The following KRT2 variants were observed in gnomAD, a reference collection of about 807,000 sequenced individuals.
KRT2 encodes keratin 2.
A neutral mutation model predicts 48.5 loss-of-function variants in KRT2; 37 were observed. The ratio of observed to expected loss-of-function variants is 0.76; its 90% CI spans 0.59 to 1.00. The LOEUF (loss-of-function observed/expected upper bound fraction) is 1.00, where lower values mean the gene tolerates loss of function less well. Ranked by LOEUF, KRT2 falls within the 50% of genes least tolerant of loss-of-function variation. KRT2 has a pLI of 0.00. For synonymous variants in KRT2, 324 were observed against 312.2 expected (o/e 1.04, Z -0.40); for missense variants, 880 against 815.2 (o/e 1.08, Z -0.97).
intron 1 of KRT2, chr12:52,650,796 A>G (rs1368751318): frequency 3.6e-6 from 2 of 556,482 alleles, no homozygotes; most frequent in East Asian, 3.2e-5. Context: ...TTCACTGCTC[A>G]CTGGTTTGTT....
intron 6 of KRT2, 143 bp downstream of exon 6, chr12:52,647,587 G>A (rs947664131): frequency 8.7e-6 from 8 of 923,434 alleles, no homozygotes; most frequent in Non-Finnish European, 1.2e-5. Flanking sequence ...ATTATGTTAA[G>A]CTGGGGAATT....
chr12:52,645,136 G>GCCACCTCCAGAGCTGTGTTTT lies in KRT2; in HGVS notation c.1782_1802dup (p.Lys595_Gly601dup). 1.9e-6 allele frequency: 3 copies of GCCACCTCCAGAGCTGTGTTTT among 1,613,428 alleles called. No homozygotes were observed. The highest frequency in any genetic ancestry group is 2.2e-5 in the South Asian group (2 of 90,874). On this transcript the variant is annotated inframe_insertion, in exon 9 of 9. Transcript: ENST00000309680. ...CTCCAGAGCTGGAGCCTCCTCTAGA[G>GCCACCTCCAGAGCTGTGTTTT]CCACCTCCAGAGCTGTGTTTTCCAC... is the stretch of plus-strand genomic sequence containing the variant.
Position 52,650,547 on chromosome 12 carries a change from A to G in KRT2, c.592T>C (p.Phe198Leu). 1 of 1,609,324 alleles carries G rather than the reference A, an allele frequency of 6.2e-7. No homozygotes were observed. The change falls in exon 2 of 9, where the codon TTC becomes CTC. Residue 198 changes from phenylalanine (F) to leucine (L), a missense_variant. Physicochemically the swap from Phe to Leu is conservative, Grantham distance 22. Coordinates refer to ENST00000309680, the MANE Select transcript of KRT2 (RefSeq NM_000423.3). Reference protein sequence around the residue: ...KFASFIDKVRFLEQQNQVLQT... With the variant: ...KFASFIDKVRLLEQQNQVLQT... ...AACACCTGGTTCTGCTGCTCCAAGAACCGCACCTGCCATGACCAGAAGGAG... is the reference window on the plus strand; with the variant it reads ...AACACCTGGTTCTGCTGCTCCAAGAGCCGCACCTGCCATGACCAGAAGGAG...
At chr12:52,650,123 T>A in intron 2 of KRT2, 149 bp from the exon 3 acceptor site, 1 of 776,078 alleles carries the variant, frequency 1.3e-6, no homozygotes, top group South Asian at 1.5e-5. Context: ...ATTTCCAAAC[T>A]AAAGATATAT....
chr12:52,651,930 G>C lies in KRT2; in HGVS notation c.213C>G (p.Ser71Arg), dbSNP rs766952518. 1.2e-6 allele frequency: 2 copies of C among 1,613,778 alleles called. No individual in the cohort carries two copies. Among genetic ancestry groups the C allele is most frequent in the South Asian group, 2.2e-5 (2 of 91,040 alleles). Residue 71 changes from serine to arginine, a missense_variant, in exon 1 of 9, where the codon AGC becomes AGG. Ser to Arg is a moderately radical substitution (Grantham distance 110). Coordinates refer to ENST00000309680, the MANE Select transcript of KRT2 (RefSeq NM_000423.3). ...RSLVGLGGTK[S>R]ISISVAGGGG... is the part of the protein sequence containing the mutation. ...CTCCTCCAGCCACACTAATGGAGATGCTCTTGGTCCCTCCAAGGCCAACAA... is the reference window on the plus strand; with the variant it reads ...CTCCTCCAGCCACACTAATGGAGATCCTCTTGGTCCCTCCAAGGCCAACAA...
Position 52,652,179 on chromosome 12 carries a change from G to C in KRT2, c.-37C>G. 6.8e-7 allele frequency: 1 copy of C among 1,460,486 alleles called. No individual in the cohort carries two copies. The allele number at this position is 1,460,486 out of a possible 1,614,324, so 90.5% of individuals were successfully genotyped here. Reference sequence around the variant, plus strand: ...CCAGGGAGGAAAGTCACAGGCTCTTGAGAAGAGTCAAGGCTGGAGACTCAA... The same window carrying C: ...CCAGGGAGGAAAGTCACAGGCTCTTCAGAAGAGTCAAGGCTGGAGACTCAA... On this transcript the variant is annotated 5_prime_UTR_variant, in exon 1 of 9. Coordinates refer to ENST00000309680, the MANE Select transcript of KRT2 (RefSeq NM_000423.3).
At chr12:52,648,951 T>C (rs1941208690) in intron 4 of KRT2, 56 bp downstream of exon 4, 5 of 1,144,094 alleles carry the variant, frequency 4.4e-6, no homozygotes, top group Non-Finnish European at 5.3e-6. Flanking sequence ...CAGAAAGGAC[T>C]TTCATTTGGT....
Position 52,650,421 on chromosome 12 carries a change from G to A in KRT2, c.718C>T (p.Leu240=), listed in dbSNP as rs376123506. The A allele has an allele frequency of 1.7e-5, 27 of 1,614,160 alleles. No homozygotes were observed. Among genetic ancestry groups the A allele is most frequent in the Non-Finnish European group, 2.3e-5 (27 of 1,179,978 alleles). The change falls in exon 2 of 9, where the codon CTG becomes TTG. Residue 240 remains leucine, a synonymous_variant. Transcript: ENST00000309680. ...QGYIDSLKRY[L]DGLTAERTSQ... ...GTTCTTTCTGCAGTGAGCCCATCCA[G>A]ATATCTCTTGAGGCTGTCGATATAC...
chr12:52,648,091 C>T (rs905013931), intron 5 of KRT2, 82 bp downstream of exon 5: 4 of 1,491,658 alleles, frequency 2.7e-6, no homozygotes, highest in Non-Finnish European at 3.7e-6. Context: ...AAACCAATAA[C>T]CTTACTGTAC....
Position 52,645,217 on chromosome 12 carries a change from T to G in KRT2, c.1722A>C (p.Gly574=), listed in dbSNP as rs1360905050. 3 of 1,613,104 alleles carry G rather than the reference T, an allele frequency of 1.9e-6. No homozygotes were observed. The African/African-American group carries it at 4.0e-5, about 22-fold the overall frequency. ...ACCCTCCCTTAGAGCCACCACCAGA[T>G]CCGTATCTTCCTCCAGAACCACCGC... ...GSGGGSGGRY[G]SGGGSKGGSI... Residue 574 remains glycine, a synonymous_variant, in exon 9 of 9, where the codon GGA becomes GGC. Coordinates refer to ENST00000309680, the MANE Select transcript of KRT2 (RefSeq NM_000423.3).
intron 5 of KRT2, 86 bp from the exon 6 acceptor site, chr12:52,647,941 A>G: frequency 6.4e-7 from 1 of 1,566,286 alleles, no homozygotes; most frequent in Non-Finnish European, 8.8e-7. Flanking sequence ...AGAGCTGGTT[A>G]CTGGTCCAGG....
chr12:52,644,740 A>G lies in KRT2; in HGVS notation c.*279T>C, dbSNP rs146357787. 4.1e-4 allele frequency: 208 copies of G among 503,568 alleles called. No homozygotes were observed. The highest frequency in any genetic ancestry group is 3.2e-3 in the African/African-American group (167 of 51,962). The allele number at this position is 503,568 out of a possible 1,614,324, so 31.2% of individuals were successfully genotyped here. A position where few individuals can be genotyped will look rare whatever the true frequency, so the allele number is the denominator to read the frequency against. On this transcript the variant is annotated 3_prime_UTR_variant, in exon 9 of 9. Coordinates refer to ENST00000309680, the MANE Select transcript of KRT2 (RefSeq NM_000423.3). ...ACACATCTGGAAAATGGGCAATGCA[A>G]AGAGGCATGGTGGGGGCGGGAATGG...
In KRT2 at chr12:52,644,893, A is replaced by T. The variant is rs1041895231; in HGVS notation, c.*126T>A. The T allele has an allele frequency of 7.1e-6, 7 of 980,712 alleles. No homozygotes were observed. The Admixed American group carries it at 8.8e-5, about 12-fold the overall frequency. 60.8% of individuals were successfully genotyped at this position (980,712 alleles called of 1,614,324 possible). A position where few individuals can be genotyped will look rare whatever the true frequency, so the allele number is the denominator to read the frequency against. Reference sequence around the variant, plus strand: ...CTGTATGTGGACATTCTTTTCCCTCAAAGTGCCATCAGAGATAAATGACAA... The same window carrying T: ...CTGTATGTGGACATTCTTTTCCCTCTAAGTGCCATCAGAGATAAATGACAA... On this transcript the variant is annotated 3_prime_UTR_variant, in exon 9 of 9. Coordinates refer to ENST00000309680, the MANE Select transcript of KRT2 (RefSeq NM_000423.3).
intron 7 of KRT2, among the ~76,000 whole-genome samples, chr12:52,645,823 A>T (rs2120938030): frequency 6.6e-6 from 1 of 152,332 alleles, no homozygotes; most frequent in East Asian, 1.9e-4. Context: ...GGTTGATCCA[A>T]GGTCACTGAA....
At chr12:52,647,374 C>T (rs57986420) in intron 6 of KRT2, among the ~76,000 whole-genome samples, 6,936 of 152,280 alleles carry the variant, frequency 0.046, 563 homozygotes, top group African/African-American at 0.16. Flanking sequence ...TGAAACCAGT[C>T]GGCTGGTGCT....
chr12:52,645,758 C>T (rs937537004), intron 7 of KRT2, among the ~76,000 whole-genome samples, 189 bp from the exon 8 acceptor site: 2 of 152,206 alleles, frequency 1.3e-5, no homozygotes, highest in African/African-American at 2.4e-5. Flanking sequence ...TTATGCACAA[C>T]CTTGCATGTC....
At chr12:52,650,647 G>A in intron 1 of KRT2, 94 bp from the exon 2 acceptor site, 1 of 986,588 alleles carries the variant, frequency 1.0e-6, no homozygotes, top group Non-Finnish European at 1.6e-6. Flanking sequence ...GCTGCTTCAG[G>A]ACCTCGAGAA....
intron 1 of KRT2, 98 bp downstream of exon 1, chr12:52,651,460 G>A (rs1941246111): frequency 2.1e-6 from 2 of 965,432 alleles, no homozygotes; most frequent in East Asian, 4.8e-5. Flanking sequence ...GTACACCACT[G>A]GCTCCTAAGA....
Position 52,648,309 on chromosome 12 carries a change from G to A in KRT2, c.986C>T (p.Thr329Ile), listed in dbSNP as rs776596709. ...AEISQIHQSV[T>I]DTNVILSMDN... ...CATGGAGAGGATGACGTTGGTGTCA[G>A]TGACACTCTGATGTATCTGGGATAT... The change falls in exon 5 of 9, where the codon ACT (threonine) becomes ATT (isoleucine). Residue 329 changes from threonine (T) to isoleucine (I), a missense_variant. Physicochemically the swap from Thr to Ile is moderately conservative, Grantham distance 89. Transcript: ENST00000309680. 8.1e-6 allele frequency: 13 copies of A among 1,613,990 alleles called. No individual in the cohort carries two copies. The highest frequency in any genetic ancestry group is 1.1e-5 in the Non-Finnish European group (13 of 1,179,980).
Sources: allele counts gnomAD v4.1 joint callset (sites outside exome capture counted in the v4.1 genomes callset), GRCh38; gene constraint gnomAD v4.1.1; transcripts MANE v1.5; gene names NCBI Gene and HGNC (gene_info 2026-07-23, HGNC 2026-07-21).